BAIAP2: variants seen among roughly 807,000 people sequenced by gnomAD.
BAIAP2 encodes the protein BAR/IMD domain containing adaptor protein 2, also known as BAR/IMD domain-containing adapter protein 2.
A neutral mutation model predicts 63.0 loss-of-function variants in BAIAP2; 18 were observed. The ratio of observed to expected loss-of-function variants is 0.29; its 90% confidence interval spans 0.20 to 0.42. BAIAP2 has a LOEUF of 0.42. Among genes scored for constraint, BAIAP2 ranks in the 10% least tolerant of loss-of-function variants. The pLI is 1.00. For synonymous variants in BAIAP2, 386 were observed against 307.6 expected (o/e 1.25, Z -2.67); for missense variants, 610 against 734.3 (o/e 0.83, Z 1.96).
Position 81,115,848 on chromosome 17 carries a change from T to G in BAIAP2, c.*9T>G. On this transcript the variant is annotated 3_prime_UTR_variant, in exon 14 of 14. Transcript: ENST00000428708. Reference sequence around the variant, plus strand: ...CCCCCCTCCTCAGCTGATGGCCACATCTGCAGTGCTGCCCATCTGGTGGCT... The same window carrying G: ...CCCCCCTCCTCAGCTGATGGCCACAGCTGCAGTGCTGCCCATCTGGTGGCT... The G allele has an allele frequency of 1.2e-6, 2 of 1,613,126 alleles. No homozygotes were observed. The highest frequency in any genetic ancestry group is 2.2e-5 in the South Asian group (2 of 91,074).
At chr17:81,098,755 A>G (rs867348763) in intron 6 of BAIAP2, among the ~76,000 whole-genome samples, 2 of 152,152 alleles carry the variant, frequency 1.3e-5, no homozygotes, top group Middle Eastern at 3.4e-3. Context: ...CAGAGTGGCC[A>G]AGACGTGACA....
chr17:81,100,484 G>A (rs1249242211), intron 7 of BAIAP2, among the ~76,000 whole-genome samples: 1 of 152,258 alleles, frequency 6.6e-6, no homozygotes, highest in Non-Finnish European at 1.5e-5. Flanking sequence ...GTCCTCACTT[G>A]CTCTTCCTGT....
At chr17:81,038,884 G>C (rs1343390865) in intron 1 of BAIAP2, among the ~76,000 whole-genome samples, 1 of 97,896 alleles carries the variant, frequency 1.0e-5, no homozygotes, top group Non-Finnish European at 2.1e-5. Flanking sequence ...CCTGGCATTG[G>C]AGTCGCCTTC....
At chr17:81,081,777 G>A (rs930833877) in intron 3 of BAIAP2, among the ~76,000 whole-genome samples, 3 of 152,244 alleles carry the variant, frequency 2.0e-5, no homozygotes, top group East Asian at 1.9e-4. Flanking sequence ...ACTTCATCCC[G>A]ACCGTGAGAG....
In BAIAP2 at chr17:81,084,907, C is replaced by T. The variant is rs376653089; in HGVS notation, c.279+14C>T. ...CTGGAAGAAATGGTGAGTCCACCCC[C>T]AGCGTGGCCCTGCGAGGAGGGGCAG... On this transcript the variant is annotated intron_variant, in intron 4 of 13. Transcript: ENST00000428708. 1.6e-5 allele frequency: 26 copies of T among 1,613,268 alleles called. No homozygotes were observed. The African/African-American group carries it at 1.9e-4, about 12-fold the overall frequency.
chr17:81,062,629 C>T (rs2050762920), intron 3 of BAIAP2, among the ~76,000 whole-genome samples: 1 of 151,826 alleles, frequency 6.6e-6, no homozygotes, highest in Admixed American at 6.6e-5. Flanking sequence ...TTTTCTGGGT[C>T]CTGTGTCTTT....
chr17:81,094,127 C>T (rs1014763199), intron 6 of BAIAP2, among the ~76,000 whole-genome samples: 1 of 152,146 alleles, frequency 6.6e-6, no homozygotes, highest in Non-Finnish European at 1.5e-5. Flanking sequence ...GTCGGGCACT[C>T]TGCTTCCCCA....
At position 81,115,908 on chromosome 17, in the gene BAIAP2, C is replaced by T; in HGVS notation, c.*69C>T. On this transcript the variant is annotated 3_prime_UTR_variant, in exon 14 of 14. Coordinates refer to ENST00000428708, the MANE Select transcript of BAIAP2 (RefSeq NM_001144888.2). ...CTTCCCATGTAGCCTGTTCTGTCAT[C>T]ATCTGTGCGTTCCTGTGTAGAGAAC... 1 of 1,599,368 alleles carries T rather than the reference C, an allele frequency of 6.3e-7. No individual in the cohort carries two copies. Among genetic ancestry groups the T allele is most frequent in the Non-Finnish European group, 8.5e-7 (1 of 1,173,558 alleles).
intron 3 of BAIAP2, among the ~76,000 whole-genome samples, chr17:81,063,523 G>A (rs1354604764): frequency 6.6e-6 from 1 of 152,222 alleles, no homozygotes; most frequent in African/African-American, 2.4e-5. Flanking sequence ...ATTCCACAAG[G>A]CCCCGTGGGG....
At chr17:81,100,514 C>A (rs1163997987) in intron 7 of BAIAP2, among the ~76,000 whole-genome samples, 1 of 152,126 alleles carries the variant, frequency 6.6e-6, no homozygotes, top group East Asian at 1.9e-4. Context: ...ATCCACAGTC[C>A]TGGGGTACAG....
intron 3 of BAIAP2, among the ~76,000 whole-genome samples, chr17:81,071,012 G>A (rs999348667): frequency 6.6e-6 from 1 of 152,202 alleles, no homozygotes; most frequent in Non-Finnish European, 1.5e-5. Flanking sequence ...TTGACACCAA[G>A]GTGGCTCTTT....
chr17:81,044,875 G>A (rs765322635), intron 1 of BAIAP2, among the ~76,000 whole-genome samples: 19 of 152,374 alleles, frequency 1.2e-4, no homozygotes, highest in South Asian at 6.2e-4. Context: ...AAAGGCAGCC[G>A]GAATGCACCG....
chr17:81,045,436 C>T (rs534217314), intron 1 of BAIAP2, among the ~76,000 whole-genome samples: 1 of 152,112 alleles, frequency 6.6e-6, no homozygotes, highest in South Asian at 2.1e-4. Flanking sequence ...CATTCATGGT[C>T]CCTGTCCTGG....
intron 3 of BAIAP2, among the ~76,000 whole-genome samples, chr17:81,063,370 C>T (rs545803602): frequency 2.0e-5 from 3 of 152,304 alleles, no homozygotes; most frequent in South Asian, 2.1e-4. Flanking sequence ...CGGATGCCTT[C>T]GTTTTCACTG....
chr17:81,095,144 T>C (rs2057410668), intron 6 of BAIAP2, among the ~76,000 whole-genome samples: 2 of 152,218 alleles, frequency 1.3e-5, no homozygotes, highest in African/African-American at 4.8e-5. Context: ...GCTGTCGCCA[T>C]GGCACCCAGC....
In BAIAP2 at chr17:81,116,365, T is replaced by C. The variant is rs2060535617; in HGVS notation, c.*526T>C. 2 of 1,597,900 alleles carry C rather than the reference T, an allele frequency of 1.3e-6. No individual in the cohort carries two copies. The highest frequency in any genetic ancestry group is 1.7e-6 in the Non-Finnish European group (2 of 1,170,550). On this transcript the variant is annotated 3_prime_UTR_variant, in exon 14 of 14. Coordinates refer to ENST00000428708, the MANE Select transcript of BAIAP2 (RefSeq NM_001144888.2). Reference sequence around the variant, plus strand: ...GCAGCTACACCTGGAGTGTGGGGCCTGGTCCCTCCCCATGCCCCTCGGTGG... The same window carrying C: ...GCAGCTACACCTGGAGTGTGGGGCCCGGTCCCTCCCCATGCCCCTCGGTGG...
At chr17:81,045,892 G>T (rs745332171) in intron 1 of BAIAP2, among the ~76,000 whole-genome samples, 21 of 152,162 alleles carry the variant, frequency 1.4e-4, no homozygotes, top group Non-Finnish European at 1.2e-4. Flanking sequence ...AAGGGTGGGG[G>T]ACCAGCCCCC....
chr17:81,103,196 C>T (rs11871170), intron 7 of BAIAP2, among the ~76,000 whole-genome samples: 6,493 of 152,276 alleles, frequency 0.043, 478 homozygotes, highest in African/African-American at 0.15. Flanking sequence ...TGACCTTGTG[C>T]GTCCCTGTCC....
At chr17:81,081,360 C>G (rs914995774) in intron 3 of BAIAP2, among the ~76,000 whole-genome samples, 2 of 152,212 alleles carry the variant, frequency 1.3e-5, no homozygotes, top group East Asian at 3.9e-4. Flanking sequence ...TGCCCCCGGC[C>G]TGAAGCTTCC....
Sources: gnomAD v4.1 joint callset for allele counts (sites outside exome capture counted in the v4.1 genomes callset) on GRCh38, gnomAD v4.1.1 for gene constraint, MANE v1.5 for transcripts, NCBI Gene and HGNC (gene_info 2026-07-23, HGNC 2026-07-21) for gene names.